The following IL1RAPL2 variants were observed in gnomAD, a reference collection of about 807,000 sequenced individuals.
IL1RAPL2 encodes X-linked interleukin-1 receptor accessory protein-like 2.
In IL1RAPL2, 3 loss-of-function variants were observed where a neutral mutation model predicts 44.1. The ratio of observed to expected loss-of-function variants is 0.07; its 90% CI spans 0.03 to 0.18. IL1RAPL2 has a LOEUF of 0.18. Among genes scored for constraint, IL1RAPL2 ranks in the 10% least tolerant of loss-of-function variants. The pLI, the probability that IL1RAPL2 is intolerant of heterozygous loss-of-function variation, is 1.00. For synonymous variants in IL1RAPL2, 181 were observed against 178.8 expected (o/e 1.01, Z -0.10); for missense variants, 391 against 496.4 (o/e 0.79, Z 2.02).
chrX:105,440,174 A>G (rs1267183693), intron 5 of IL1RAPL2, among the ~76,000 whole-genome samples: 1 of 112,162 alleles, frequency 8.9e-6, no homozygotes, highest in Non-Finnish European at 1.9e-5. Flanking sequence ...CATCCAATGA[A>G]AAATGGAGAT....
chrX:105,128,554 T>TA (rs1394835507), intron 2 of IL1RAPL2, among the ~76,000 whole-genome samples: 4 of 111,439 alleles, frequency 3.6e-5, no homozygotes, highest in African/African-American at 1.3e-4. Flanking sequence ...TAACTCATAT[T>TA]AAAAAAGGTA....
At chrX:105,219,269 A>T in intron 3 of IL1RAPL2, 13 of 1,210,578 alleles carry the variant, frequency 1.1e-5, no homozygotes, top group Non-Finnish European at 1.5e-5. Flanking sequence ...GAGAAGGAGG[A>T]AAAAGGGCTT....
At chrX:104,599,991 CA>C (rs1266945426) in intron 1 of IL1RAPL2, among the ~76,000 whole-genome samples, 4 of 111,083 alleles carry the variant, frequency 3.6e-5, no homozygotes, top group African/African-American at 1.3e-4. Flanking sequence ...AAGAAATCAG[CA>C]GTAAGAGGGA....
At chrX:105,373,373 T>C (rs1162660140) in intron 5 of IL1RAPL2, among the ~76,000 whole-genome samples, 1 of 112,081 alleles carries the variant, frequency 8.9e-6, no homozygotes, top group South Asian at 3.7e-4. Context: ...TGCTTGTTTT[T>C]TTCTTGCAGA....
intron 2 of IL1RAPL2, among the ~76,000 whole-genome samples, chrX:104,907,968 T>A (rs1181215502): frequency 9.1e-6 from 1 of 110,359 alleles, no homozygotes; most frequent in African/African-American, 3.3e-5. Context: ...CAGGACTTGC[T>A]TTATGAATTT....
chrX:104,668,609 C>T (rs1930532296), intron 2 of IL1RAPL2, among the ~76,000 whole-genome samples: 1 of 107,046 alleles, frequency 9.3e-6, no homozygotes, highest in Admixed American at 1.0e-4. Flanking sequence ...TTAAAAAAAA[C>T]TGAGTAAGGC....
chrX:105,460,057 A>C (rs978727364), intron 5 of IL1RAPL2, among the ~76,000 whole-genome samples: 7 of 111,326 alleles, frequency 6.3e-5, no homozygotes, highest in African/African-American at 2.0e-4. Flanking sequence ...ACAGCCAGTC[A>C]TACTTGCTCA....
rs916731466 is a variant in IL1RAPL2, at chrX:105,542,468, T to A, written c.772+58081T>A. Among the ~76,000 whole-genome samples, 7 of 110,961 alleles carry A rather than the reference T, an allele frequency of 6.3e-5. No individual in the cohort carries two copies. In the East Asian group the frequency reaches 1.7e-3, roughly 27 times the overall value. On this transcript the variant is annotated intron_variant, in intron 6 of 10. Coordinates refer to ENST00000372582, the MANE Select transcript of IL1RAPL2 (RefSeq NM_017416.2). ...GGAAAACAGACTATACAAATTGCTTTCAATGTTTAGTTTTAAGAAGCTAGA... is the reference window on the plus strand; with the variant it reads ...GGAAAACAGACTATACAAATTGCTTACAATGTTTAGTTTTAAGAAGCTAGA...
chrX:104,653,793 A>G (rs1309428047), intron 1 of IL1RAPL2, among the ~76,000 whole-genome samples: 1 of 111,292 alleles, frequency 9.0e-6, no homozygotes, highest in Admixed American at 9.6e-5. Flanking sequence ...AAATCTTTAC[A>G]TAGAATACTG....
chrX:105,526,681 G>A (rs1405834598), intron 6 of IL1RAPL2, among the ~76,000 whole-genome samples: 1 of 111,504 alleles, frequency 9.0e-6, no homozygotes, highest in African/African-American at 3.3e-5. Flanking sequence ...CTGGCATTTT[G>A]GCAGTTACTC....
At chrX:105,048,423 C>G (rs1433540441) in intron 2 of IL1RAPL2, among the ~76,000 whole-genome samples, 1 of 111,466 alleles carries the variant, frequency 9.0e-6, no homozygotes, top group Non-Finnish European at 1.9e-5. Context: ...TTCTGGTAAC[C>G]AAACTAAAAA....
chrX:105,150,940 T>G (rs145289563), intron 2 of IL1RAPL2, among the ~76,000 whole-genome samples: 7 of 112,173 alleles, frequency 6.2e-5, no homozygotes, highest in Non-Finnish European at 1.1e-4. Context: ...CACTGTAGTT[T>G]TAAGGGAAAA....
chrX:105,743,961 C>G (rs1410721390), intron 8 of IL1RAPL2, among the ~76,000 whole-genome samples: 1 of 111,791 alleles, frequency 8.9e-6, no homozygotes, highest in Non-Finnish European at 1.9e-5. Flanking sequence ...CAGGAAAATA[C>G]TGAATTTTTT....
intron 5 of IL1RAPL2, among the ~76,000 whole-genome samples, chrX:105,438,138 C>T (rs73636228): frequency 0.016 from 1,789 of 111,374 alleles, 31 homozygotes; most frequent in African/African-American, 0.055. Flanking sequence ...CATTCTAGGC[C>T]CTGCTTCCCA....
rs146715249 is a variant in IL1RAPL2 at position 105,296,443 on chromosome X, T to A, written c.697+28902T>A. On this transcript the variant is annotated intron_variant, in intron 5 of 10. Transcript: ENST00000372582. ...AGTTGGGTTTATTCCCTTTTCTAGATTATAAACTCTTGAGAGTAAGGGTCA... is the reference window on the plus strand; with the variant it reads ...AGTTGGGTTTATTCCCTTTTCTAGAATATAAACTCTTGAGAGTAAGGGTCA... Among the ~76,000 whole-genome samples, 628 of 112,166 alleles carry A rather than the reference T, an allele frequency of 5.6e-3. 10 individuals carry two copies. The highest frequency in any genetic ancestry group is 0.02 in the African/African-American group (602 of 30,865).
intron 1 of IL1RAPL2, among the ~76,000 whole-genome samples, chrX:104,624,883 T>G (rs971907028): frequency 1.8e-5 from 2 of 111,596 alleles, no homozygotes. Context: ...CATAGAAAGA[T>G]GTTCACTAAA....
chrX:105,240,356 A>G (rs1219446656), intron 4 of IL1RAPL2, among the ~76,000 whole-genome samples: 3 of 112,601 alleles, frequency 2.7e-5, no homozygotes, highest in Non-Finnish European at 5.6e-5. Context: ...TTGTGTATCT[A>G]TACAATTTTG....
intron 3 of IL1RAPL2, among the ~76,000 whole-genome samples, chrX:105,212,051 A>G (rs782638791): frequency 5.9e-4 from 66 of 112,164 alleles, no homozygotes; most frequent in Admixed American, 3.7e-3. Context: ...TTGGGCAGAC[A>G]CTGAGCTAGC....
At chrX:104,941,806 T>C (rs1268932272) in intron 2 of IL1RAPL2, among the ~76,000 whole-genome samples, 1 of 111,815 alleles carries the variant, frequency 8.9e-6, no homozygotes, top group Non-Finnish European at 1.9e-5. Flanking sequence ...TTGCCTAGGT[T>C]TTCTTCTAGG....
Sources: gnomAD v4.1 joint callset for allele counts (sites outside exome capture counted in the v4.1 genomes callset) on GRCh38, gnomAD v4.1.1 for gene constraint, MANE v1.5 for transcripts, NCBI Gene and HGNC (gene_info 2026-07-23, HGNC 2026-07-21) for gene names.